The following STARD13 variants were observed in gnomAD, a reference collection of about 807,000 sequenced individuals.
The protein encoded by STARD13 is StAR related lipid transfer domain containing 13.
A neutral mutation model predicts 106.4 loss-of-function variants in STARD13; 62 were observed. That is an observed-to-expected ratio of 0.58 (90% CI 0.48 to 0.72). The LOEUF (loss-of-function observed/expected upper bound fraction) is 0.72, where lower values mean the gene tolerates loss of function less well. Among genes scored for constraint, STARD13 ranks in the 30% least tolerant of loss-of-function variants. The pLI is 0.00. For synonymous variants in STARD13, 565 were observed against 553.0 expected (o/e 1.02, Z -0.31); for missense variants, 1,387 against 1,424.0 (o/e 0.97, Z 0.42).
chr13:33,634,946 C>G, the STARD13 span, among the ~76,000 whole-genome samples: 2 of 152,156 alleles, frequency 1.3e-5, no homozygotes, highest in African/African-American at 4.8e-5. Flanking sequence ...AGTGGAAGAT[C>G]AGCAGTGAAG....
chr13:33,167,838 T>C (rs1364549476), intron 1 of STARD13, among the ~76,000 whole-genome samples: 1 of 152,098 alleles, frequency 6.6e-6, no homozygotes, highest in Non-Finnish European at 1.5e-5. Flanking sequence ...TAATCTTCAA[T>C]GTAGATCCAT....
At chr13:33,370,598 C>CTTTTCT in the STARD13 span, among the ~76,000 whole-genome samples, 1 of 147,612 alleles carries the variant, frequency 6.8e-6, no homozygotes, top group Non-Finnish European at 1.5e-5. Context: ...ACTTTCTTTT[C>CTTTTCT]TTTTCTTTCT....
chr13:33,629,358 T>G, the STARD13 span, among the ~76,000 whole-genome samples: 1 of 152,226 alleles, frequency 6.6e-6, no homozygotes, highest in Non-Finnish European at 1.5e-5. Flanking sequence ...GTGTCTCCAT[T>G]TAAACTTATA....
At chr13:33,574,148 G>A in the STARD13 span, among the ~76,000 whole-genome samples, 1 of 152,190 alleles carries the variant, frequency 6.6e-6, no homozygotes, top group African/African-American at 2.4e-5. Flanking sequence ...AGCTGCGGAT[G>A]TGTCTTGCTT....
chr13:33,237,629 G>C (rs546630381), intron 1 of STARD13, among the ~76,000 whole-genome samples: 1 of 152,222 alleles, frequency 6.6e-6, no homozygotes, highest in South Asian at 2.1e-4. Flanking sequence ...CCACTCATCA[G>C]TGTGATCCCT....
the STARD13 span, among the ~76,000 whole-genome samples, chr13:33,452,347 G>A: frequency 6.6e-6 from 1 of 151,980 alleles, no homozygotes; most frequent in Non-Finnish European, 1.5e-5. Flanking sequence ...CAGTTGTGGG[G>A]GTGGGTGTCA....
chr13:33,641,897 T>A, the STARD13 span, among the ~76,000 whole-genome samples: 1 of 152,212 alleles, frequency 6.6e-6, no homozygotes, highest in Non-Finnish European at 1.5e-5. Flanking sequence ...ATTTTTGTCA[T>A]GCTAATGTAA....
chr13:33,587,517 G>A, the STARD13 span, among the ~76,000 whole-genome samples: 2 of 152,082 alleles, frequency 1.3e-5, no homozygotes, highest in Non-Finnish European at 2.9e-5. Flanking sequence ...TCTAATCATG[G>A]CTGGCCCGTA....
At chr13:33,416,808 T>G in the STARD13 span, among the ~76,000 whole-genome samples, 2 of 152,102 alleles carry the variant, frequency 1.3e-5, no homozygotes, top group African/African-American at 2.4e-5. Context: ...TTAGAGATGA[T>G]CTAAAAAATA....
chr13:33,187,766 T>G (rs1313859498), intron 1 of STARD13, among the ~76,000 whole-genome samples: 1 of 152,200 alleles, frequency 6.6e-6, no homozygotes, highest in Non-Finnish European at 1.5e-5. Context: ...CACTGTAACC[T>G]CCGCCTCCCA....
chr13:33,144,510 C>T (rs772977584), intron 3 of STARD13, among the ~76,000 whole-genome samples: 7 of 152,336 alleles, frequency 4.6e-5, no homozygotes, highest in South Asian at 2.1e-4. Flanking sequence ...CTTTTTCTCA[C>T]GTCGCTCACC....
chr13:33,383,827 A>G, the STARD13 span: 1 of 149,838 alleles, frequency 6.7e-6, no homozygotes, highest in Non-Finnish European at 1.5e-5. Flanking sequence ...AGTCATCTGC[A>G]TGTCTCATGC....
the STARD13 span, among the ~76,000 whole-genome samples, chr13:33,585,393 A>C: frequency 0.037 from 5,577 of 152,242 alleles, 265 homozygotes; most frequent in African/African-American, 0.1. Context: ...TGACAAATGA[A>C]TGAAAAAAAA....
At chr13:33,462,486 A>G in the STARD13 span, among the ~76,000 whole-genome samples, 1 of 152,210 alleles carries the variant, frequency 6.6e-6, no homozygotes, top group East Asian at 1.9e-4. Context: ...TCACACGATC[A>G]CAAGGTCAAG....
At chr13:33,264,581 A>C (rs1194652705) in intron 1 of STARD13, among the ~76,000 whole-genome samples, 4 of 152,190 alleles carry the variant, frequency 2.6e-5, no homozygotes, top group Admixed American at 2.6e-4. Context: ...CATGCCACCC[A>C]TGAACAGAAT....
the STARD13 span, among the ~76,000 whole-genome samples, chr13:33,388,567 G>A: frequency 6.6e-6 from 1 of 152,174 alleles, no homozygotes; most frequent in African/African-American, 2.4e-5. Context: ...GAGGAATCTG[G>A]CTTCAGAGTT....
the STARD13 span, among the ~76,000 whole-genome samples, chr13:33,530,912 CTTTA>C: frequency 3.3e-5 from 5 of 152,208 alleles, no homozygotes; most frequent in South Asian, 2.1e-4. Flanking sequence ...CATCCTTTCA[CTTTA>C]TTTATTAGTT....
At chr13:33,267,894 TC>T (rs1890975107) in intron 1 of STARD13, among the ~76,000 whole-genome samples, 1 of 152,180 alleles carries the variant, frequency 6.6e-6, no homozygotes, top group South Asian at 2.1e-4. Flanking sequence ...AAGGGTACTG[TC>T]CCAGGCTTCT....
chr13:33,246,245 T>C (rs920687735), intron 1 of STARD13, among the ~76,000 whole-genome samples: 1 of 152,192 alleles, frequency 6.6e-6, no homozygotes, highest in Non-Finnish European at 1.5e-5. Flanking sequence ...TAAGGAGAAG[T>C]GACTTAAGAT....
Sources: allele counts gnomAD v4.1 joint callset (sites outside exome capture counted in the v4.1 genomes callset), GRCh38; gene constraint gnomAD v4.1.1; transcripts MANE v1.5; gene names NCBI Gene and HGNC (gene_info 2026-07-23, HGNC 2026-07-21).